Variants in AKT3 observed in about 807,000 individuals in gnomAD.
AKT3 encodes AKT serine/threonine kinase 3.
Under a neutral mutation model 65.3 loss-of-function variants are expected in AKT3, and 15 were observed. The observed-to-expected ratio is 0.23, with a 90% CI of 0.15 to 0.35. The LOEUF (loss-of-function observed/expected upper bound fraction) is 0.35. AKT3 is among the 10% of genes least tolerant of loss of function. The probability of loss-of-function intolerance (pLI) is 1.00; values close to 1 mark genes in which losing one functional copy is unlikely to be tolerated. For missense variants in AKT3, 243 were observed against 576.5 expected, an observed-to-expected ratio of 0.42 and a Z score of 5.92; for synonymous variants, 206 against 183.8, an observed-to-expected ratio of 1.12 and a Z score of -0.98.
At chr1:243,701,789 TTCAAAGCTAA>T (rs1255676657) in intron 2 of AKT3, among the ~76,000 whole-genome samples, 1 of 152,090 alleles carries the variant, frequency 6.6e-6, no homozygotes, top group Admixed American at 6.5e-5. Flanking sequence ...TAACATAGTC[TTCAAAGCTAA>T]TCACTGCATA....
At chr1:243,633,846 C>T (rs983529442) in intron 6 of AKT3, among the ~76,000 whole-genome samples, 6 of 151,988 alleles carry the variant, frequency 3.9e-5, no homozygotes, top group African/African-American at 1.2e-4. Flanking sequence ...TTGGGAAAGT[C>T]GATTAAACAA....
chr1:243,658,931 C>T (rs1381790285), intron 4 of AKT3, among the ~76,000 whole-genome samples: 2 of 150,828 alleles, frequency 1.3e-5, no homozygotes, highest in African/African-American at 4.9e-5. Flanking sequence ...ACTGGGGAGG[C>T]TAAGCTGGGA....
intron 8 of AKT3, among the ~76,000 whole-genome samples, chr1:243,578,848 G>C (rs1168117863): frequency 1.3e-5 from 2 of 152,088 alleles, no homozygotes; most frequent in Non-Finnish European, 2.9e-5. Context: ...GACACAATGA[G>C]AGAAAACCGT....
chr1:243,635,435 G>A (rs1679905181), intron 6 of AKT3, among the ~76,000 whole-genome samples: 1 of 151,648 alleles, frequency 6.6e-6, no homozygotes, highest in African/African-American at 2.4e-5. Context: ...TTAAAGCAAA[G>A]ACAGATAAAA....
intron 3 of AKT3, among the ~76,000 whole-genome samples, chr1:243,681,323 T>C (rs775322238): frequency 2.4e-4 from 37 of 152,096 alleles, no homozygotes; most frequent in Non-Finnish European, 4.4e-4. Flanking sequence ...CTCCACAATA[T>C]ACTCAATATT....
intron 2 of AKT3, among the ~76,000 whole-genome samples, chr1:243,781,479 T>C (rs1451040422): frequency 6.6e-6 from 1 of 152,224 alleles, no homozygotes; most frequent in Non-Finnish European, 1.5e-5. Flanking sequence ...CTTTCTTCTA[T>C]TGGGTCATTT....
At chr1:243,563,870 A>G (rs1673968508) in intron 9 of AKT3, 22 bp from the exon 10 acceptor site, 1 of 1,597,890 alleles carries the variant, frequency 6.3e-7, no homozygotes, top group Admixed American at 1.8e-5. Context: ...GAAAAATGAC[A>G]TAATTTGTTC....
intron 13 of AKT3, among the ~76,000 whole-genome samples, chr1:243,491,742 C>T (rs1305932424): frequency 7.2e-5 from 11 of 152,186 alleles, no homozygotes; most frequent in East Asian, 1.9e-4. Flanking sequence ...GATGCGGTGC[C>T]GCCTGAGGGC....
intron 4 of AKT3, among the ~76,000 whole-genome samples, chr1:243,650,201 T>A (rs1364530039): frequency 6.6e-6 from 1 of 152,214 alleles, no homozygotes; most frequent in Non-Finnish European, 1.5e-5. Flanking sequence ...GTTGGCTGCA[T>A]AAATGTCTTT....
intron 2 of AKT3, among the ~76,000 whole-genome samples, chr1:243,838,543 C>T (rs1220701993): frequency 6.6e-6 from 1 of 152,050 alleles, no homozygotes; most frequent in African/African-American, 2.4e-5. Flanking sequence ...GACCCCTGGA[C>T]TTAGATAAAC....
At chr1:243,528,999 C>G (rs1227618113) in intron 12 of AKT3, among the ~76,000 whole-genome samples, 1 of 152,154 alleles carries the variant, frequency 6.6e-6, no homozygotes, top group Non-Finnish European at 1.5e-5. Flanking sequence ...GCCATTCTGA[C>G]TGGTGTGAGA....
chr1:243,539,715 T>C (rs762919851), intron 12 of AKT3, among the ~76,000 whole-genome samples: 1 of 152,144 alleles, frequency 6.6e-6, no homozygotes, highest in Non-Finnish European at 1.5e-5. Context: ...TATTTGGAAA[T>C]TAATCAACAC....
At chr1:243,644,555 T>C (rs1680666776) in intron 5 of AKT3, among the ~76,000 whole-genome samples, 1 of 152,160 alleles carries the variant, frequency 6.6e-6, no homozygotes, top group Non-Finnish European at 1.5e-5. Context: ...GTTTAAAGTG[T>C]TTATGTAATA....
chr1:243,565,642 G>C (rs2148491917), intron 9 of AKT3, among the ~76,000 whole-genome samples: 1 of 152,196 alleles, frequency 6.6e-6, no homozygotes, highest in African/African-American at 2.4e-5. Flanking sequence ...CTTGTATATT[G>C]AAACCAATCA....
chr1:243,605,884 G>A (rs573602745), intron 8 of AKT3, among the ~76,000 whole-genome samples: 19 of 152,300 alleles, frequency 1.2e-4, no homozygotes, highest in Non-Finnish European at 2.4e-4. Context: ...TCCACTGGAA[G>A]GTAATTGAAT....
At chr1:243,570,880 G>C (rs574441170) in intron 9 of AKT3, among the ~76,000 whole-genome samples, 1 of 152,240 alleles carries the variant, frequency 6.6e-6, no homozygotes, top group South Asian at 2.1e-4. Flanking sequence ...TAATTGTCTA[G>C]TAAACTTGGT....
At chr1:243,564,840 TTTTA>T (rs1191360588) in intron 9 of AKT3, among the ~76,000 whole-genome samples, 2 of 152,198 alleles carry the variant, frequency 1.3e-5, no homozygotes, top group African/African-American at 4.8e-5. Flanking sequence ...GATAGTTAAC[TTTTA>T]TTTGAGGAGT....
At chr1:243,526,152 A>G (rs1423669778) in intron 12 of AKT3, among the ~76,000 whole-genome samples, 1 of 152,028 alleles carries the variant, frequency 6.6e-6, no homozygotes, top group African/African-American at 2.4e-5. Flanking sequence ...CTGAGGCTTC[A>G]TGTCCATAGG....
intron 12 of AKT3, among the ~76,000 whole-genome samples, chr1:243,526,862 GA>G (rs897924872): frequency 1.1e-4 from 11 of 101,824 alleles, no homozygotes; most frequent in East Asian, 2.9e-4. Flanking sequence ...GGATCTTTAA[GA>G]AAAAAAAATG....
Sources: gnomAD v4.1 joint callset for allele counts (sites outside exome capture counted in the v4.1 genomes callset) on GRCh38, gnomAD v4.1.1 for gene constraint, MANE v1.5 for transcripts, NCBI Gene and HGNC (gene_info 2026-07-23, HGNC 2026-07-21) for gene names.